Variants in TFAP4 observed in about 807,000 individuals in gnomAD.
TFAP4 encodes the protein transcription factor AP-4.
In TFAP4, 7 loss-of-function variants were observed where a neutral mutation model predicts 40.4. The ratio of observed to expected loss-of-function variants is 0.17; its 90% CI spans 0.10 to 0.33. The LOEUF is 0.33. Ranked by LOEUF, TFAP4 falls within the 10% of genes least tolerant of loss-of-function variation. TFAP4 has a pLI of 1.00. For missense variants in TFAP4, 374 were observed against 451.1 expected (o/e 0.83, Z 1.55); for synonymous variants, 218 against 181.4 (o/e 1.20, Z -1.62).
At chr16:4,270,333 T>G (rs2053031188) in intron 1 of TFAP4, among the ~76,000 whole-genome samples, 2 of 151,984 alleles carry the variant, frequency 1.3e-5, no homozygotes, top group African/African-American at 4.8e-5. Flanking sequence ...TGCCCTACAA[T>G]CCCCTCTGGC....
chr16:4,272,649 A>G lies in TFAP4; in HGVS notation c.89+9T>C. On this transcript the variant is annotated intron_variant, in intron 1 of 6. Coordinates refer to ENST00000204517, the MANE Select transcript of TFAP4 (RefSeq NM_003223.3). ...GTAGGAAGGGGGTGGGGGGAGGAGG[A>G]GTACACACCTACAGAGCCCTCCTAT... 6.2e-7 allele frequency: 1 copy of G among 1,603,820 alleles called. No individual in the cohort carries two copies. Among genetic ancestry groups the G allele is most frequent in the Non-Finnish European group, 8.5e-7 (1 of 1,173,922 alleles).
At chr16:4,260,641 C>T in intron 4 of TFAP4, 46 bp from the exon 5 acceptor site, 2 of 1,537,968 alleles carry the variant, frequency 1.3e-6, no homozygotes, top group Admixed American at 2.0e-5. Context: ...CGGGAGCACA[C>T]CCTGCCCTGT....
chr16:4,260,340 G>A, intron 5 of TFAP4, 95 bp from the exon 6 acceptor site: 2 of 1,504,886 alleles, frequency 1.3e-6, no homozygotes, highest in Non-Finnish European at 1.8e-6. Context: ...AACTGCCTCT[G>A]CCCCTTTATA....
intron 1 of TFAP4, chr16:4,265,126 A>G (rs1158986880): frequency 1.3e-5 from 2 of 152,206 alleles, no homozygotes; most frequent in South Asian, 2.1e-4. Flanking sequence ...AATTGTCACA[A>G]TGTTCCTGAG....
At position 4,265,343 on chromosome 16, in the gene TFAP4, G is replaced by C. The variant is rs1302103938; in HGVS notation, c.90-2642C>G. The C allele has an allele frequency of 2.0e-5, 3 of 152,298 alleles. No homozygotes were observed. In the East Asian group the frequency reaches 5.8e-4, roughly 29 times the overall value. 9.4% of individuals were successfully genotyped at this position (152,298 alleles called of 1,614,324 possible). On this transcript the variant is annotated intron_variant, in intron 1 of 6. Transcript: ENST00000204517. ...AAAAGAGAAGACTAGGCCGGGCACAGTGGCTCACACCTATAATCCTAGCAC... is the reference window on the plus strand; with the variant it reads ...AAAAGAGAAGACTAGGCCGGGCACACTGGCTCACACCTATAATCCTAGCAC...
chr16:4,262,906 G>T (rs762238230), intron 1 of TFAP4: 6 of 597,066 alleles, frequency 1.0e-5, no homozygotes, highest in Middle Eastern at 2.7e-4. Context: ...AACCCACCCC[G>T]GGCCAGGCAC....
chr16:4,258,373 A>C (rs2052916482), intron 6 of TFAP4, 124 bp from the exon 7 acceptor site: 2 of 952,482 alleles, frequency 2.1e-6, no homozygotes, highest in Non-Finnish European at 3.1e-6. Context: ...AGCCTGGCAA[A>C]GCAGCAGGGG....
intron 1 of TFAP4, 116 bp from the exon 2 acceptor site, chr16:4,262,817 CAG>C (rs749651183): frequency 9.9e-6 from 12 of 1,217,790 alleles, no homozygotes; most frequent in Non-Finnish European, 1.4e-5. Flanking sequence ...AGGCCACCCC[CAG>C]AGAGTGATGG....
intron 1 of TFAP4, among the ~76,000 whole-genome samples, chr16:4,270,059 C>T (rs976254996): frequency 6.6e-6 from 1 of 151,954 alleles, no homozygotes; most frequent in Admixed American, 6.6e-5. Context: ...CTGACACATG[C>T]CTGTAATCCC....
At position 4,257,873 on chromosome 16, in the gene TFAP4, G is replaced by C; in HGVS notation, c.*182C>G. ...CACGCTCTGCGACACCCCAGCCCCG[G>C]GACCTCGGGTTGAGTGGCTTCGTTC... On this transcript the variant is annotated 3_prime_UTR_variant, in exon 7 of 7. Coordinates refer to ENST00000204517, the MANE Select transcript of TFAP4 (RefSeq NM_003223.3). The C allele has an allele frequency of 1.5e-6, 1 of 646,806 alleles. No homozygotes were observed. Among genetic ancestry groups the C allele is most frequent in the Non-Finnish European group, 2.6e-6 (1 of 389,940 alleles). The allele number at this position is 646,806 out of a possible 1,614,324, so 40.1% of individuals were successfully genotyped here. A position where few individuals can be genotyped will look rare whatever the true frequency, so the allele number is the denominator to read the frequency against.
chr16:4,258,419 T>C lies in TFAP4; in HGVS notation c.823-170A>G, dbSNP rs1325188543. 5.0e-6 allele frequency: 3 copies of C among 602,508 alleles called. No individual in the cohort carries two copies. In the East Asian group the frequency reaches 9.1e-5, roughly 18 times the overall value. 37.3% of individuals were successfully genotyped at this position (602,508 alleles called of 1,614,324 possible). On this transcript the variant is annotated intron_variant, in intron 6 of 6. Transcript: ENST00000204517. ...GAGTACAGGAAAAACAAACTCCTTT[T>C]ACTTTTTTTTTGGAGACAAGCTCTC...
At chr16:4,270,838 C>T (rs536802884) in intron 1 of TFAP4, among the ~76,000 whole-genome samples, 111 of 152,344 alleles carry the variant, frequency 7.3e-4, no homozygotes, top group Middle Eastern at 3.4e-3. Flanking sequence ...ACTGCACCTC[C>T]GCGCTGCCCA....
In TFAP4 at chr16:4,262,492, G is replaced by A. The variant is rs774710021; in HGVS notation, c.255+44C>T. ...AGAGCTCACTTTCCTCTCCCAGCGG[G>A]AACCTGCCGGCTCCTCCAGGAAGCC... On this transcript the variant is annotated intron_variant, in intron 2 of 6. Coordinates refer to ENST00000204517, the MANE Select transcript of TFAP4 (RefSeq NM_003223.3). The A allele has an allele frequency of 1.4e-4, 225 of 1,613,046 alleles. No individual in the cohort carries two copies. The South Asian group carries it at 2.2e-3, about 16-fold the overall frequency.
chr16:4,268,328 G>T (rs1436300474), intron 1 of TFAP4, among the ~76,000 whole-genome samples: 1 of 152,164 alleles, frequency 6.6e-6, no homozygotes, highest in Non-Finnish European at 1.5e-5. Context: ...TACTCGGGAG[G>T]TCGAGGCCCA....
chr16:4,262,905 C>T (rs989041361), intron 1 of TFAP4: 2 of 596,590 alleles, frequency 3.4e-6, no homozygotes, highest in African/African-American at 1.9e-5. Flanking sequence ...GAACCCACCC[C>T]GGGCCAGGCA....
Position 4,261,916 on chromosome 16 carries a change from C to T in TFAP4, c.388G>A (p.Ala130Thr), listed in dbSNP as rs1278826521. The T allele has an allele frequency of 6.2e-7, 1 of 1,611,526 alleles. No homozygotes were observed. Among genetic ancestry groups the T allele is most frequent in the Non-Finnish European group, 8.5e-7 (1 of 1,179,160 alleles). ...CCTATGCCTTCGTCCTTGTCCTCTG[C>T]CCGCCGTCGCTTGGGGGACGAGCCG... ...LSGSSPKRRR[A>T]EDKDEGIGSP... Residue 130 changes from alanine (A) to threonine (T), a missense_variant, in exon 4 of 7, where the codon GCA becomes ACA. Physicochemically the swap from Ala to Thr is moderately conservative, Grantham distance 58. Coordinates refer to ENST00000204517, the MANE Select transcript of TFAP4 (RefSeq NM_003223.3).
chr16:4,262,923 C>A, intron 1 of TFAP4: 2 of 574,728 alleles, frequency 3.5e-6, no homozygotes. Context: ...GCACAGTAAT[C>A]CCAGTTCTTT....
intron 1 of TFAP4, among the ~76,000 whole-genome samples, chr16:4,269,492 C>CAAAAAA (rs60856578): frequency 4.6e-5 from 2 of 43,206 alleles, no homozygotes; most frequent in Non-Finnish European, 8.2e-5. Flanking sequence ...GACTCTGCCT[C>CAAAAAA]AAAAAAAAAA....
Position 4,261,830 on chromosome 16 carries a change from C to T in TFAP4, c.474G>A (p.Leu158=). 6.2e-7 allele frequency: 1 copy of T among 1,612,902 alleles called. No homozygotes were observed. Among genetic ancestry groups the T allele is most frequent in the Non-Finnish European group, 8.5e-7 (1 of 1,179,672 alleles). The part of the protein sequence containing the change: ...AEDLRREMIE[L]RQQLDKERSV... ...AGCGCTCCTTGTCCAGCTGCTGCCG[C>T]AGCTCAATCATCTCCCGCCGCAGGT... The change falls in exon 4 of 7, where the codon CTG becomes CTA. Residue 158 remains leucine, a synonymous_variant. Transcript: ENST00000204517.
Sources: allele counts gnomAD v4.1 joint callset (sites outside exome capture counted in the v4.1 genomes callset), GRCh38; gene constraint gnomAD v4.1.1; transcripts MANE v1.5; gene names NCBI Gene and HGNC (gene_info 2026-07-23, HGNC 2026-07-21).